CYP4F22: variants seen among roughly 807,000 people sequenced by gnomAD.
The protein encoded by CYP4F22 is cytochrome P450 family 4 subfamily F member 22.
A neutral mutation model predicts 60.4 loss-of-function variants in CYP4F22; 37 were observed. The observed-to-expected ratio is 0.61, with a 90% CI of 0.47 to 0.81. The LOEUF (loss-of-function observed/expected upper bound fraction) is 0.81, where lower values mean the gene tolerates loss of function less well. Ranked by LOEUF, CYP4F22 falls within the 30% of genes least tolerant of loss-of-function variation. The pLI, the probability that CYP4F22 is intolerant of heterozygous loss-of-function variation, is 0.00. For synonymous variants in CYP4F22, 258 were observed against 280.5 expected, an observed-to-expected ratio of 0.92 and a Z score of 0.80; for missense variants, 655 against 715.0, an observed-to-expected ratio of 0.92 and a Z score of 0.96.
In CYP4F22 at chr19:15,551,402, G is replaced by T. The variant is rs1432388141; in HGVS notation, c.1527G>T (p.Lys509Asn). 3 of 1,604,100 alleles carry T rather than the reference G, an allele frequency of 1.9e-6. No individual in the cohort carries two copies. The highest frequency in any genetic ancestry group is 4.5e-5 in the East Asian group (2 of 44,222). The change falls in exon 14 of 14, where the codon AAG becomes AAT. Residue 509 changes from lysine to asparagine, a missense_variant. Lys to Asn is a moderately conservative substitution (Grantham distance 94). Transcript: ENST00000269703. ...SVDRTRKVRR[K>N]PELILRTENG... ...ACCGAACGCGCAAGGTGCGGCGGAA[G>T]CCGGAGCTCATACTGCGCACGGAGA...
chr19:15,531,758 A>G (rs1599801134), intron 4 of CYP4F22, among the ~76,000 whole-genome samples: 2 of 152,226 alleles, frequency 1.3e-5, no homozygotes, highest in East Asian at 3.9e-4. Flanking sequence ...GCCTCTCTGG[A>G]TCTCAGGTTT....
Position 15,541,503 on chromosome 19 carries a change from G to A in CYP4F22, c.939+786G>A, listed in dbSNP as rs185778232. On this transcript the variant is annotated intron_variant, in intron 8 of 13. Coordinates refer to ENST00000269703, the MANE Select transcript of CYP4F22 (RefSeq NM_173483.4). ...TCTCCAAACACGGTCATAGCCTGAG[G>A]TACTGGAAGTTAGGACTTATGAATT... Among the ~76,000 whole-genome samples the A allele has an allele frequency of 2.4e-4, 35 of 144,432 alleles. 2 individuals are homozygous for A. The highest frequency in any genetic ancestry group is 7.2e-4 in the African/African-American group (29 of 40,082). The allele number at this position is 144,432 out of a possible 152,430, so 94.8% of individuals were successfully genotyped here.
intron 4 of CYP4F22, 138 bp downstream of exon 4, chr19:15,529,991 A>G: frequency 1.6e-6 from 2 of 1,237,962 alleles, no homozygotes; most frequent in Admixed American, 3.6e-5. Flanking sequence ...TGGCAAAGCA[A>G]GCATGGCAAT....
At chr19:15,536,156 T>C (rs1971392060) in intron 4 of CYP4F22, among the ~76,000 whole-genome samples, 2 of 151,654 alleles carry the variant, frequency 1.3e-5, no homozygotes, top group South Asian at 2.1e-4. Context: ...CTGGGCAATA[T>C]GGCGATACCC....
chr19:15,539,725 T>G (rs866889822), intron 7 of CYP4F22, among the ~76,000 whole-genome samples: 41 of 152,328 alleles, frequency 2.7e-4, no homozygotes, highest in African/African-American at 5.8e-4. Context: ...CTTGCTTTTT[T>G]TTGTTGTTGT....
At position 15,525,283 on chromosome 19, in the gene CYP4F22, A is replaced by G. The variant is rs116529259; in HGVS notation, c.-1-53A>G. 2,470 of 1,561,488 alleles carry G rather than the reference A, an allele frequency of 1.6e-3. 45 individuals are homozygous for G. In the African/African-American group the frequency reaches 0.028, roughly 18 times the overall value. On this transcript the variant is annotated intron_variant, in intron 2 of 13. Coordinates refer to ENST00000269703, the MANE Select transcript of CYP4F22 (RefSeq NM_173483.4). ...CACTAGGCACACCATGCATTACCCC[A>G]TGGGTCATCGTCTTGTGCATGGCAC...
intron 1 of CYP4F22, chr19:15,516,139 A>C (rs1971152471): frequency 6.6e-6 from 1 of 152,230 alleles, no homozygotes; most frequent in African/African-American, 2.4e-5. Context: ...GAATAAGTAC[A>C]TTCTATGTCT....
chr19:15,543,472 G>A (rs927834749), intron 8 of CYP4F22, among the ~76,000 whole-genome samples: 6 of 152,080 alleles, frequency 3.9e-5, no homozygotes, highest in African/African-American at 1.4e-4. Context: ...GATTATAGGT[G>A]TGAGCCACCA....
intron 1 of CYP4F22, among the ~76,000 whole-genome samples, chr19:15,518,999 G>T (rs1032287287): frequency 2.6e-5 from 4 of 152,108 alleles, no homozygotes; most frequent in African/African-American, 4.8e-5. Flanking sequence ...GATTGGATGT[G>T]GCTGAAAGGG....
chr19:15,546,473 G>A (rs1371367859), intron 10 of CYP4F22, among the ~76,000 whole-genome samples: 1 of 152,088 alleles, frequency 6.6e-6, no homozygotes, highest in Non-Finnish European at 1.5e-5. Context: ...AATCCCAGCT[G>A]CTTGAGAAGC....
chr19:15,534,467 C>T (rs1971374903), intron 4 of CYP4F22, among the ~76,000 whole-genome samples: 2 of 147,514 alleles, frequency 1.4e-5, no homozygotes, highest in Non-Finnish European at 3.0e-5. Context: ...ATCTCTCCCT[C>T]TTTTTTTTTT....
chr19:15,514,795 G>T (rs1173197753), intron 1 of CYP4F22, among the ~76,000 whole-genome samples: 1 of 152,202 alleles, frequency 6.6e-6, no homozygotes, highest in East Asian at 1.9e-4. Context: ...ATCACTGTTG[G>T]AAGAGAAAGC....
intron 1 of CYP4F22, among the ~76,000 whole-genome samples, chr19:15,513,105 G>A (rs1005129007): frequency 6.6e-6 from 1 of 152,036 alleles, no homozygotes; most frequent in South Asian, 2.1e-4. Context: ...AATGGAGGCA[G>A]TACTTAACTC....
At chr19:15,509,537 A>C (rs1026300539) in intron 1 of CYP4F22, among the ~76,000 whole-genome samples, 1 of 151,902 alleles carries the variant, frequency 6.6e-6, no homozygotes, top group African/African-American at 2.4e-5. Context: ...GTAACTCCAA[A>C]CCCCAAAGAG....
chr19:15,548,320 A>G (rs914326206), intron 11 of CYP4F22, 79 bp downstream of exon 11: 2 of 1,597,682 alleles, frequency 1.3e-6, no homozygotes, highest in Non-Finnish European at 1.7e-6. Flanking sequence ...GGGCCTGGCT[A>G]TGCCTGCCCC....
chr19:15,540,762 C>G (rs1201665289), intron 8 of CYP4F22, 45 bp downstream of exon 8: 2 of 1,603,688 alleles, frequency 1.2e-6, no homozygotes, highest in Admixed American at 3.3e-5. Flanking sequence ...GAGGGCTGGC[C>G]TCCCGAGGAA....
chr19:15,530,037 A>C (rs778985474), intron 4 of CYP4F22, among the ~76,000 whole-genome samples, 184 bp downstream of exon 4: 2 of 152,224 alleles, frequency 1.3e-5, no homozygotes, highest in Non-Finnish European at 2.9e-5. Flanking sequence ...AAGATGTGGC[A>C]ATGACTAAGA....
chr19:15,529,413 G>A (rs1229099052), intron 3 of CYP4F22, among the ~76,000 whole-genome samples: 1 of 152,140 alleles, frequency 6.6e-6, no homozygotes, highest in East Asian at 1.9e-4. Flanking sequence ...ACAGATGTGA[G>A]CCACTACACT....
chr19:15,537,111 C>G (rs1418443594), intron 4 of CYP4F22, among the ~76,000 whole-genome samples: 3 of 152,012 alleles, frequency 2.0e-5, no homozygotes, highest in Non-Finnish European at 4.4e-5. Flanking sequence ...CCAGCCTGGC[C>G]AACATGGTGA....
Sources: gnomAD v4.1 joint callset for allele counts (sites outside exome capture counted in the v4.1 genomes callset) on GRCh38, gnomAD v4.1.1 for gene constraint, MANE v1.5 for transcripts, NCBI Gene and HGNC (gene_info 2026-07-23, HGNC 2026-07-21) for gene names.